Variants in RNPEP observed in about 807,000 individuals in gnomAD.
RNPEP encodes the protein aminopeptidase B.
Under a neutral mutation model 70.1 loss-of-function variants are expected in RNPEP, and 57 were observed. That is an observed-to-expected ratio of 0.81 (90% CI 0.66 to 1.01). The LOEUF (loss-of-function observed/expected upper bound fraction) is 1.01, where lower values mean the gene tolerates loss of function less well. Among genes scored for constraint, RNPEP ranks in the 50% least tolerant of loss-of-function variants. The pLI, the probability that RNPEP is intolerant of heterozygous loss-of-function variation, is 0.00. For synonymous variants in RNPEP, 335 were observed against 357.4 expected, an observed-to-expected ratio of 0.94 and a Z score of 0.71; for missense variants, 787 against 852.4, an observed-to-expected ratio of 0.92 and a Z score of 0.96.
At chr1:201,996,465 T>TTGTGTGTGTATGTG (rs1553304785) in intron 4 of RNPEP, 1 of 226,344 alleles carries the variant, frequency 4.4e-6, no homozygotes, top group East Asian at 1.3e-4. Context: ...ATGAGGTTCT[T>TTGTGTGTGTATGTG]TGTGTGTGTG....
intron 5 of RNPEP, 66 bp downstream of exon 5, chr1:201,997,620 C>A: frequency 7.9e-7 from 1 of 1,258,948 alleles, no homozygotes; most frequent in Non-Finnish European, 1.1e-6. Flanking sequence ...CCAGTGTGAT[C>A]TCCTTATGGG....
chr1:201,983,378 C>G, intron 1 of RNPEP: 1 of 1,503,828 alleles, frequency 6.6e-7, no homozygotes, highest in Non-Finnish European at 8.9e-7. Context: ...CGCGTCTCCT[C>G]CCTGGCCCTG....
intron 6 of RNPEP, chr1:202,001,087 A>T (rs1683782140): frequency 1.0e-5 from 4 of 387,440 alleles, no homozygotes; most frequent in South Asian, 3.3e-5. Context: ...TTCATATTAG[A>T]TCCACAGTGA....
Position 202,003,280 on chromosome 1 carries a change from G to T in RNPEP, c.1470G>T (p.Pro490=), listed in dbSNP as rs781363185. The part of the protein sequence containing the change: ...DRWLNTPGWP[P]YLPDLSPGDS... ...GGCTGAATACCCCCGGCTGGCCCCCGTACCTCCCTGATCTCTCCCCTGGGG... is the reference window on the plus strand; with the variant it reads ...GGCTGAATACCCCCGGCTGGCCCCCTTACCTCCCTGATCTCTCCCCTGGGG... The change falls in exon 9 of 11, where the codon CCG becomes CCT. Residue 490 remains proline (P), a synonymous_variant. Coordinates refer to ENST00000295640, the MANE Select transcript of RNPEP (RefSeq NM_020216.4). 2 of 1,613,816 alleles carry T rather than the reference G, an allele frequency of 1.2e-6. No individual in the cohort carries two copies. Among genetic ancestry groups the T allele is most frequent in the African/African-American group, 1.3e-5 (1 of 74,856 alleles).
intron 6 of RNPEP, 60 bp from the exon 7 acceptor site, chr1:202,001,316 A>G (rs1395428211): frequency 4.3e-6 from 5 of 1,154,518 alleles, no homozygotes; most frequent in South Asian, 1.2e-5. Context: ...GAGCTAGAGA[A>G]GAACGTTACG....
Position 201,989,550 on chromosome 1 carries a change from A to C in RNPEP, c.737+19A>C. 1 of 1,613,904 alleles carries C rather than the reference A, an allele frequency of 6.2e-7. No individual in the cohort carries two copies. Among genetic ancestry groups the C allele is most frequent in the South Asian group, 1.1e-5 (1 of 91,070 alleles). On this transcript the variant is annotated intron_variant, in intron 3 of 10. Transcript: ENST00000295640. ...GACCCAGGTAGGAGACAAAGACCCC[A>C]CAGGCAAGGTTGGATTGGCCTCAGA...
In RNPEP at chr1:201,996,182, C is replaced by T. The variant is rs1191114043; in HGVS notation, c.773C>T (p.Ala258Val). Residue 258 changes from alanine (A) to valine (V), a missense_variant, in exon 4 of 11, where the codon GCT becomes GTT. Transcript: ENST00000295640. ...RVWAEPCLID[A>V]AKEEYNGVIE... is the part of the protein sequence containing the mutation. ...TGGGCTGAGCCCTGCCTGATTGATG[C>T]TGCCAAGGAGGAGTACAACGGGGTG... The T allele has an allele frequency of 6.2e-7, 1 of 1,614,014 alleles. No homozygotes were observed. The highest frequency in any genetic ancestry group is 1.3e-5 in the African/African-American group (1 of 74,924).
chr1:201,992,672 A>G (rs1354838210), intron 3 of RNPEP, among the ~76,000 whole-genome samples: 1 of 151,956 alleles, frequency 6.6e-6, no homozygotes, highest in Non-Finnish European at 1.5e-5. Context: ...ACCTCTTACC[A>G]ACACCCCAAA....
rs1200539735 is a variant in RNPEP at position 201,999,784 on chromosome 1, G to A, written c.1091-118G>A. ...GGAGGGTAATGTTATTAAGCTTCAG[G>A]TATCTGTCGCTGTTCTTCTTGAGGC... On this transcript the variant is annotated intron_variant, in intron 5 of 10. Transcript: ENST00000295640. 1.2e-5 allele frequency: 9 copies of A among 725,206 alleles called. No individual in the cohort carries two copies. The East Asian group carries it at 2.5e-4, about 20-fold the overall frequency. The allele number at this position is 725,206 out of a possible 1,614,324, so 44.9% of individuals were successfully genotyped here. A position where few individuals can be genotyped will look rare whatever the true frequency, so the allele number is the denominator to read the frequency against.
At chr1:202,000,655 C>G (rs1683757550) in intron 6 of RNPEP, among the ~76,000 whole-genome samples, 1 of 152,022 alleles carries the variant, frequency 6.6e-6, no homozygotes, top group Admixed American at 6.6e-5. Flanking sequence ...CGCCTGTAAT[C>G]CCAGGTCAAA....
rs752377413 is a variant in RNPEP, at chr1:201,996,139, G to C, written c.738-8G>C. The stretch of plus-strand genomic sequence containing the variant: ...ACCATTCTGCTTTCTCTGCTCTCTT[G>C]TCTTTAGGAGCCGGGTGTGGGCTGA... On this transcript the variant is annotated splice_region_variant and splice_polypyrimidine_tract_variant and intron_variant, in intron 3 of 10. Transcript: ENST00000295640. 1.2e-6 allele frequency: 2 copies of C among 1,610,582 alleles called. No individual in the cohort carries two copies. The highest frequency in any genetic ancestry group is 4.5e-5 in the East Asian group (2 of 44,874).
chr1:201,989,876 G>A (rs1163277685), intron 3 of RNPEP, among the ~76,000 whole-genome samples: 1 of 150,622 alleles, frequency 6.6e-6, no homozygotes, highest in African/African-American at 2.4e-5. Flanking sequence ...GTCTTGCTGT[G>A]TTGCCCAGGC....
At chr1:201,991,669 G>T (rs1042761767) in intron 3 of RNPEP, among the ~76,000 whole-genome samples, 1 of 152,180 alleles carries the variant, frequency 6.6e-6, no homozygotes, top group African/African-American at 2.4e-5. Flanking sequence ...TAAAATTCAG[G>T]TATTTCCATT....
At chr1:201,997,955 G>T (rs1295609276) in intron 5 of RNPEP, among the ~76,000 whole-genome samples, 2 of 151,992 alleles carry the variant, frequency 1.3e-5, no homozygotes, top group Non-Finnish European at 2.9e-5. Flanking sequence ...AAGAGACGAG[G>T]TTTCTCCATG....
intron 9 of RNPEP, 25 bp downstream of exon 9, chr1:202,003,486 C>A: frequency 6.6e-7 from 1 of 1,515,864 alleles, no homozygotes; most frequent in Non-Finnish European, 9.1e-7. Flanking sequence ...TGAACCAGGG[C>A]TCCTTGTGTG....
chr1:201,983,063 G>C lies in RNPEP; in HGVS notation c.397G>C (p.Ala133Pro). The change falls in exon 1 of 11, where the codon GCC becomes CCC. Residue 133 changes from alanine (A) to proline (P), a missense_variant. Physicochemically the swap from Ala to Pro is conservative, Grantham distance 27 (BLOSUM62 -1). Transcript: ENST00000295640. ...CVSFPQPCRA[A>P]ERLQVLLTYR... ...GTCCTTCCCGCAGCCCTGCCGCGCCGCCGAGCGCCTCCAGGTGCTGCTCAC... is the reference window on the plus strand; with the variant it reads ...GTCCTTCCCGCAGCCCTGCCGCGCCCCCGAGCGCCTCCAGGTGCTGCTCAC... The C allele has an allele frequency of 1.3e-6, 2 of 1,525,262 alleles. No homozygotes were observed. The highest frequency in any genetic ancestry group is 1.8e-6 in the Non-Finnish European group (2 of 1,141,912). The allele number at this position is 1,525,262 out of a possible 1,614,324, so 94.5% of individuals were successfully genotyped here.
intron 5 of RNPEP, among the ~76,000 whole-genome samples, chr1:201,999,461 C>T (rs764205459): frequency 6.6e-6 from 1 of 151,050 alleles, no homozygotes; most frequent in Non-Finnish European, 1.5e-5. Context: ...ATCGCTTGAA[C>T]CCAGGAGGAG....
At chr1:202,001,808 A>G (rs1558267724) in intron 8 of RNPEP, 41 bp downstream of exon 8, 2 of 1,206,974 alleles carry the variant, frequency 1.7e-6, no homozygotes, top group Non-Finnish European at 2.5e-6. Flanking sequence ...AAAAAATAGT[A>G]GAGAATGAGA....
chr1:201,995,055 C>T (rs1683496575), intron 3 of RNPEP, among the ~76,000 whole-genome samples: 1 of 152,096 alleles, frequency 6.6e-6, no homozygotes, highest in Non-Finnish European at 1.5e-5. Flanking sequence ...GAGCCTTTGG[C>T]TGCAGGATCC....
Sources: gnomAD v4.1 joint callset for allele counts (sites outside exome capture counted in the v4.1 genomes callset) on GRCh38, gnomAD v4.1.1 for gene constraint, MANE v1.5 for transcripts, NCBI Gene and HGNC (gene_info 2026-07-23, HGNC 2026-07-21) for gene names.